The following ITPR1 variants were observed in gnomAD, a reference collection of about 807,000 sequenced individuals.
ITPR1 encodes inositol 1,4,5-trisphosphate receptor type 1.
Under a neutral mutation model 318.4 loss-of-function variants are expected in ITPR1, and 96 were observed. That is an observed-to-expected ratio of 0.30 (90% CI 0.26 to 0.36). ITPR1 has a LOEUF of 0.36. Ranked by LOEUF, ITPR1 falls within the 10% of genes least tolerant of loss-of-function variation. The pLI is 1.00. For missense variants in ITPR1, 2,440 were observed against 3,460.2 expected (o/e 0.71, Z 7.40); for synonymous variants, 1,312 against 1,289.9 (o/e 1.02, Z -0.37).
At chr3:4,670,627 A>G (rs1195355446) in intron 19 of ITPR1, 102 bp from the exon 20 acceptor site, 2 of 877,058 alleles carry the variant, frequency 2.3e-6, no homozygotes, top group African/African-American at 3.3e-5. Flanking sequence ...GGGAAATACA[A>G]AACAAAAAGT....
chr3:4,770,897 A>G (rs1186618363), intron 46 of ITPR1, among the ~76,000 whole-genome samples: 1 of 151,950 alleles, frequency 6.6e-6, no homozygotes, highest in East Asian at 1.9e-4. Flanking sequence ...TAACCCTACC[A>G]CTAGTCACGG....
At chr3:4,535,445 T>A (rs1254956977) in intron 4 of ITPR1, among the ~76,000 whole-genome samples, 1 of 134,820 alleles carries the variant, frequency 7.4e-6, no homozygotes, top group Non-Finnish European at 1.6e-5. Context: ...TTTTTTAATT[T>A]TTTTTTTTTT....
chr3:4,725,449 T>C (rs1305090227), intron 40 of ITPR1, 97 bp from the exon 41 acceptor site: 3 of 1,002,122 alleles, frequency 3.0e-6, no homozygotes, highest in Non-Finnish European at 4.6e-6. Flanking sequence ...TGATCCTTCC[T>C]CCTGTGTTTT....
At chr3:4,809,047 C>G (rs915755100) in intron 55 of ITPR1, among the ~76,000 whole-genome samples, 4 of 152,178 alleles carry the variant, frequency 2.6e-5, no homozygotes, top group African/African-American at 2.4e-5. Context: ...CAAAGACATG[C>G]TAATTAAAAC....
At chr3:4,692,053 A>G (rs2094488152) in intron 32 of ITPR1, among the ~76,000 whole-genome samples, 2 of 151,770 alleles carry the variant, frequency 1.3e-5, no homozygotes, top group Non-Finnish European at 2.9e-5. Flanking sequence ...ACAGAGGAAG[A>G]TCCCTTGAGC....
At chr3:4,785,787 G>A (rs181037390) in intron 51 of ITPR1, among the ~76,000 whole-genome samples, 1 of 152,214 alleles carries the variant, frequency 6.6e-6, no homozygotes, top group Non-Finnish European at 1.5e-5. Context: ...TTTTAGGGAT[G>A]TTAGAAGGAC....
At chr3:4,673,750 T>C (rs970208645) in intron 21 of ITPR1, among the ~76,000 whole-genome samples, 1 of 151,996 alleles carries the variant, frequency 6.6e-6, no homozygotes. Context: ...GCCCGGCTAA[T>C]TTTTTGTATT....
chr3:4,727,764 CAG>C lies in ITPR1; in HGVS notation c.5220+594_5220+595del, dbSNP rs1559783416. ...CTTTTATTTTTTATTTTTGTAGAGA[CAG>C]AGTCTTGCTATGTTTCCCAGGCGGG... On this transcript the variant is annotated intron_variant, in intron 42 of 61. Coordinates refer to ENST00000649015, the MANE Select transcript of ITPR1 (RefSeq NM_001378452.1). 2.6e-5 allele frequency among the ~76,000 whole-genome samples: 4 copies of C among 152,262 alleles called. No homozygotes were observed. The South Asian group carries it at 6.2e-4, about 24-fold the overall frequency.
chr3:4,693,374 C>A (rs2094509055), intron 32 of ITPR1, 116 bp from the exon 33 acceptor site: 6 of 1,145,134 alleles, frequency 5.2e-6, no homozygotes, highest in Admixed American at 2.1e-5. Flanking sequence ...ATAGGTAAGA[C>A]TGATTTGGGA....
chr3:4,628,724 G>A (rs1030468364), intron 5 of ITPR1, among the ~76,000 whole-genome samples: 1 of 152,348 alleles, frequency 6.6e-6, no homozygotes, highest in African/African-American at 2.4e-5. Context: ...GTCTGTGTCA[G>A]TGTTGCTTGT....
At chr3:4,751,517 A>G (rs1443400595) in intron 44 of ITPR1, 1 of 152,226 alleles carries the variant, frequency 6.6e-6, no homozygotes, top group Non-Finnish European at 1.5e-5. Flanking sequence ...TTAGAAAAGA[A>G]TATGTAGTTC....
At chr3:4,511,999 T>G (rs2081865794) in intron 2 of ITPR1, among the ~76,000 whole-genome samples, 1 of 152,072 alleles carries the variant, frequency 6.6e-6, no homozygotes, top group Admixed American at 6.5e-5. Context: ...ATTGTTTTAT[T>G]TTTTCACAGG....
intron 60 of ITPR1, among the ~76,000 whole-genome samples, chr3:4,823,833 C>CT (rs962698055): frequency 6.8e-4 from 103 of 152,204 alleles, no homozygotes; most frequent in African/African-American, 2.4e-3. Flanking sequence ...TCACTAGGCA[C>CT]TATATACATG....
chr3:4,689,675 C>T (rs1349975609), intron 31 of ITPR1, among the ~76,000 whole-genome samples: 1 of 152,154 alleles, frequency 6.6e-6, no homozygotes, highest in African/African-American at 2.4e-5. Flanking sequence ...CACCACCTCA[C>T]CCCAAATATA....
intron 4 of ITPR1, among the ~76,000 whole-genome samples, chr3:4,543,600 G>A (rs144121579): frequency 1.3e-5 from 2 of 152,240 alleles, no homozygotes; most frequent in Non-Finnish European, 2.9e-5. Context: ...GTGCCACCAC[G>A]CCTGGCTAAT....
intron 4 of ITPR1, among the ~76,000 whole-genome samples, chr3:4,591,695 A>G (rs1172813528): frequency 6.6e-6 from 1 of 152,182 alleles, no homozygotes; most frequent in Non-Finnish European, 1.5e-5. Flanking sequence ...AAGACTTTTC[A>G]TTTACCCTGA....
At chr3:4,563,054 C>T (rs1320889747) in intron 4 of ITPR1, among the ~76,000 whole-genome samples, 1 of 152,118 alleles carries the variant, frequency 6.6e-6, no homozygotes, top group East Asian at 1.9e-4. Context: ...GAGCTGGCCA[C>T]TTGTATCTCT....
intron 58 of ITPR1, 160 bp from the exon 59 acceptor site, chr3:4,814,893 A>G: frequency 2.9e-6 from 2 of 679,792 alleles, no homozygotes; most frequent in East Asian, 2.5e-5. Flanking sequence ...CGCAATTGAG[A>G]CAGGGGACAT....
At chr3:4,805,804 G>T (rs1448596834) in intron 54 of ITPR1, among the ~76,000 whole-genome samples, 2 of 152,204 alleles carry the variant, frequency 1.3e-5, no homozygotes, top group African/African-American at 4.8e-5. Context: ...ATCTCATTTT[G>T]AAAATCATAA....
Sources: gnomAD v4.1 joint callset for allele counts (sites outside exome capture counted in the v4.1 genomes callset) on GRCh38, gnomAD v4.1.1 for gene constraint, MANE v1.5 for transcripts, NCBI Gene and HGNC (gene_info 2026-07-23, HGNC 2026-07-21) for gene names.